Variants in PLB1 observed in about 807,000 individuals in gnomAD.
The protein encoded by PLB1 is phospholipase B1.
In PLB1, 242 loss-of-function variants were observed where a neutral mutation model predicts 227.4. That is an observed-to-expected ratio of 1.06 (90% confidence interval 0.96 to 1.18). The LOEUF (loss-of-function observed/expected upper bound fraction) is 1.18, where lower values mean the gene tolerates loss of function less well. PLB1 is among the 50% of genes most tolerant of loss of function. PLB1 has a pLI of 0.00. For synonymous variants in PLB1, 757 were observed against 682.2 expected (o/e 1.11, Z -1.71); for missense variants, 1,858 against 1,816.3 (o/e 1.02, Z -0.42).
chr2:28,604,634 A>AC, intron 40 of PLB1, 21 bp from the exon 41 acceptor site: 1 of 1,608,800 alleles, frequency 6.2e-7, no homozygotes, highest in South Asian at 1.1e-5. Context: ...TGGGCTGAAG[A>AC]CCCTGTGCAT....
chr2:28,593,598 C>A, intron 32 of PLB1, 83 bp from the exon 33 acceptor site: 1 of 1,197,310 alleles, frequency 8.4e-7, no homozygotes. Context: ...TTGGGAACCC[C>A]CTCTTTGGAA....
chr2:28,507,794 T>C (rs1572646665), intron 1 of PLB1, among the ~76,000 whole-genome samples: 1 of 151,924 alleles, frequency 6.6e-6, no homozygotes, highest in East Asian at 1.9e-4. Flanking sequence ...GACAGGAGGG[T>C]GCACTGGTCT....
chr2:28,639,370 G>A (rs188548008), intron 56 of PLB1, among the ~76,000 whole-genome samples: 6 of 152,308 alleles, frequency 3.9e-5, no homozygotes, highest in South Asian at 2.1e-4. Flanking sequence ...CTGCCCATAT[G>A]GCGATCGTTG....
In PLB1 at chr2:28,540,370, G is replaced by C. The variant is rs1476252249; in HGVS notation, c.703G>C (p.Ala235Pro). 1 of 1,613,888 alleles carries C rather than the reference G, an allele frequency of 6.2e-7. No homozygotes were observed. Among genetic ancestry groups the C allele is most frequent in the South Asian group, 1.1e-5 (1 of 91,080 alleles). Residue 235 changes from alanine (A) to proline (P), a missense_variant, in exon 12 of 58, where the codon GCA becomes CCA. Coordinates refer to ENST00000327757, the MANE Select transcript of PLB1 (RefSeq NM_153021.5). ...RQYHGTWLSP[A>P]PEPCNCSEET... Reference sequence around the variant, plus strand: ...CTGGTGTGTTTTAACCTGCAGCCCTGCACCAGAGCCCTGTAATTGCTCAGA... The same window carrying C: ...CTGGTGTGTTTTAACCTGCAGCCCTCCACCAGAGCCCTGTAATTGCTCAGA...
At chr2:28,510,013 C>T (rs531605817) in intron 1 of PLB1, among the ~76,000 whole-genome samples, 2 of 152,156 alleles carry the variant, frequency 1.3e-5, no homozygotes, top group African/African-American at 4.8e-5. Context: ...TATTGTGACA[C>T]CCCAGAGCAG....
rs148945834 is a variant in PLB1, at chr2:28,588,392, G to A, written c.1816-1058G>A. 2.3e-3 allele frequency among the ~76,000 whole-genome samples: 349 copies of A among 152,244 alleles called. 2 individuals carry two copies. Among genetic ancestry groups the A allele is most frequent in the African/African-American group, 7.4e-3 (309 of 41,542 alleles). ...ACTTCCTTCCCCTCTTCTGAGAGAC[G>A]ACCTTCTCTCCTTTCCTCATGCCTT... On this transcript the variant is annotated intron_variant, in intron 26 of 57. Coordinates refer to ENST00000327757, the MANE Select transcript of PLB1 (RefSeq NM_153021.5).
intron 39 of PLB1, 118 bp from the exon 40 acceptor site, chr2:28,603,848 G>T: frequency 1.1e-6 from 1 of 880,976 alleles, no homozygotes; most frequent in Non-Finnish European, 1.8e-6. Context: ...AGGCTTGAGT[G>T]CTCCTAAACC....
intron 24 of PLB1, 43 bp downstream of exon 24, chr2:28,582,176 C>A: frequency 6.3e-7 from 1 of 1,586,584 alleles, no homozygotes; most frequent in Non-Finnish European, 8.7e-7. Context: ...AGACCTCAGA[C>A]CTAGCCTAGA....
chr2:28,539,990 C>CT (rs1672247275), intron 11 of PLB1, among the ~76,000 whole-genome samples: 1 of 146,218 alleles, frequency 6.8e-6, no homozygotes, highest in Non-Finnish European at 1.5e-5. Context: ...ACCCACCCCC[C>CT]AGGGAGAGCT....
chr2:28,608,426 G>C lies in PLB1; in HGVS notation c.3129+1859G>C, dbSNP rs141976708. ...GGCAACAGGCAAGACGCAGTGGGGG[G>C]CGGGAGGCAGGAGGCCGAGATGGCT... On this transcript the variant is annotated intron_variant, in intron 43 of 57. Transcript: ENST00000327757. Among the ~76,000 whole-genome samples, 15 of 152,338 alleles carry C rather than the reference G, an allele frequency of 9.8e-5. No individual in the cohort carries two copies. In the East Asian group the frequency reaches 1.5e-3, roughly 16 times the overall value.
At chr2:28,610,589 C>T (rs1240547048) in intron 43 of PLB1, among the ~76,000 whole-genome samples, 2 of 152,316 alleles carry the variant, frequency 1.3e-5, no homozygotes, top group Middle Eastern at 3.4e-3. Flanking sequence ...GCACACATGG[C>T]TGCCAACCCC....
rs140711322 is a variant in PLB1, at chr2:28,582,490, C to T, written c.1718C>T (p.Pro573Leu). 2.1e-5 allele frequency: 33 copies of T among 1,607,340 alleles called. No individual in the cohort carries two copies. In the African/African-American group the frequency reaches 3.1e-4, roughly 15 times the overall value. Reference sequence around the variant, plus strand: ...TACCAGGAGAAAAAAGTCTACTGCCCAAGGATGATCCTCAGGTCAGACAGA... The same window carrying T: ...TACCAGGAGAAAAAAGTCTACTGCCTAAGGATGATCCTCAGGTCAGACAGA... ...ELYQEKKVYC[P>L]RMILRSLCPC... is the part of the protein sequence containing the mutation. Residue 573 changes from proline to leucine, a missense_variant, in exon 25 of 58, where the codon CCA becomes CTA. By Grantham distance (98) the Pro-to-Leu change is moderately conservative. Coordinates refer to ENST00000327757, the MANE Select transcript of PLB1 (RefSeq NM_153021.5).
intron 25 of PLB1, 51 bp downstream of exon 25, chr2:28,582,556 G>A (rs374832144): frequency 7.9e-6 from 11 of 1,400,222 alleles, no homozygotes; most frequent in African/African-American, 1.4e-5. Context: ...ACTGCTAAGG[G>A]CAGTGGCACC....
intron 43 of PLB1, among the ~76,000 whole-genome samples, chr2:28,608,311 T>C (rs1385993480): frequency 2.0e-5 from 3 of 152,190 alleles, no homozygotes; most frequent in African/African-American, 7.2e-5. Flanking sequence ...CTTGGAGTGA[T>C]ATAAAAGTCC....
intron 16 of PLB1, 61 bp downstream of exon 16, chr2:28,550,145 C>A: frequency 1.6e-6 from 2 of 1,289,360 alleles, no homozygotes; most frequent in Non-Finnish European, 2.2e-6. Context: ...GTACTTCTTG[C>A]TGAATCTTTC....
intron 6 of PLB1, among the ~76,000 whole-genome samples, chr2:28,527,978 A>G (rs985364849): frequency 1.3e-5 from 2 of 152,170 alleles, no homozygotes; most frequent in Non-Finnish European, 2.9e-5. Flanking sequence ...ACCTGAACCC[A>G]GCTCAGAACT....
chr2:28,552,431 T>C (rs557733077), intron 16 of PLB1, among the ~76,000 whole-genome samples: 2 of 152,338 alleles, frequency 1.3e-5, no homozygotes, highest in South Asian at 4.1e-4. Context: ...GAAGTTAATA[T>C]GGTGTAGTAA....
intron 20 of PLB1, among the ~76,000 whole-genome samples, chr2:28,572,667 T>C (rs1405044438): frequency 6.6e-6 from 1 of 151,982 alleles, no homozygotes; most frequent in African/African-American, 2.4e-5. Context: ...TATGTTGGGG[T>C]ATGTGATTTC....
intron 49 of PLB1, among the ~76,000 whole-genome samples, chr2:28,623,299 A>G (rs1202166751): frequency 1.3e-5 from 2 of 151,928 alleles, no homozygotes; most frequent in African/African-American, 4.8e-5. Context: ...GGGAGCCCAG[A>G]GAGGAGGCTC....
Sources: allele counts gnomAD v4.1 joint callset (sites outside exome capture counted in the v4.1 genomes callset), GRCh38; gene constraint gnomAD v4.1.1; transcripts MANE v1.5; gene names NCBI Gene and HGNC (gene_info 2026-07-23, HGNC 2026-07-21).